BMERB1: variants seen among roughly 807,000 people sequenced by gnomAD.
BMERB1 encodes bMERB domain-containing protein 1.
Under a neutral mutation model 23.6 loss-of-function variants are expected in BMERB1, and 12 were observed. The observed-to-expected ratio is 0.51, with a 90% confidence interval of 0.33 to 0.82. The LOEUF is 0.82. Ranked by LOEUF, BMERB1 falls within the 40% of genes least tolerant of loss-of-function variation. BMERB1 has a pLI of 0.03. For synonymous variants in BMERB1, 122 were observed against 96.6 expected (o/e 1.26, Z -1.54); for missense variants, 247 against 255.4 (o/e 0.97, Z 0.22).
At chr16:15,514,278 G>GA (rs982259483) in intron 1 of BMERB1, among the ~76,000 whole-genome samples, 2 of 151,928 alleles carry the variant, frequency 1.3e-5, no homozygotes, top group South Asian at 2.1e-4. Flanking sequence ...CAAAACAAAT[G>GA]AAAAAATACT....
At chr16:15,549,334 G>T (rs2030012850) in intron 2 of BMERB1, among the ~76,000 whole-genome samples, 1 of 128,640 alleles carries the variant, frequency 7.8e-6, no homozygotes, top group Non-Finnish European at 1.6e-5. Context: ...AACAGAGCAA[G>T]CAAGATTCTA....
chr16:15,499,668 C>T (rs1342450426), intron 1 of BMERB1, among the ~76,000 whole-genome samples: 3 of 137,920 alleles, frequency 2.2e-5, no homozygotes, highest in Non-Finnish European at 3.2e-5. Flanking sequence ...TTTCCTTCCT[C>T]CCAGTTCCTT....
In BMERB1 at chr16:15,454,826, G is replaced by A. The variant is rs116701966; in HGVS notation, c.106+20067G>A. The stretch of plus-strand genomic sequence containing the variant: ...AAAAGATTGCTGTTCTATTTATGCT[G>A]TGAACATTGCTGAAAGATTGAGCAG... On this transcript the variant is annotated intron_variant, in intron 1 of 5. Coordinates refer to ENST00000300006, the MANE Select transcript of BMERB1 (RefSeq NM_033201.3). Among the ~76,000 whole-genome samples the A allele has an allele frequency of 6.0e-3, 903 of 151,488 alleles. 15 individuals carry two copies. Among genetic ancestry groups the A allele is most frequent in the African/African-American group, 0.021 (882 of 41,294 alleles).
At chr16:15,514,672 T>C (rs947979016) in intron 1 of BMERB1, among the ~76,000 whole-genome samples, 3 of 152,018 alleles carry the variant, frequency 2.0e-5, no homozygotes, top group East Asian at 1.9e-4. Context: ...CAGCTACTTA[T>C]AAGGCTGAGG....
intron 2 of BMERB1, among the ~76,000 whole-genome samples, chr16:15,545,098 G>A (rs969046193): frequency 9.2e-5 from 14 of 151,916 alleles, no homozygotes; most frequent in African/African-American, 3.1e-4. Flanking sequence ...TCAGCCTCCC[G>A]AGTAGCTGGG....
chr16:15,557,599 G>A (rs1263375705), intron 2 of BMERB1, among the ~76,000 whole-genome samples: 2 of 152,168 alleles, frequency 1.3e-5, no homozygotes, highest in African/African-American at 4.8e-5. Flanking sequence ...CACAGCGTCC[G>A]ACGACTAGTG....
In BMERB1 at chr16:15,437,541, A is replaced by G. The variant is rs137872829; in HGVS notation, c.106+2782A>G. Among the ~76,000 whole-genome samples the G allele has an allele frequency of 3.9e-4, 59 of 152,262 alleles. No individual in the cohort carries two copies. The East Asian group carries it at 0.011, about 27-fold the overall frequency. On this transcript the variant is annotated intron_variant, in intron 1 of 5. Coordinates refer to ENST00000300006, the MANE Select transcript of BMERB1 (RefSeq NM_033201.3). The stretch of plus-strand genomic sequence containing the variant: ...TTCAATAATGCCCTTGTAGCTTTTT[A>G]TATCTTAACATTTTATGAGAAAAAA...
chr16:15,493,613 C>T (rs1473653310), intron 1 of BMERB1, among the ~76,000 whole-genome samples: 3 of 152,052 alleles, frequency 2.0e-5, no homozygotes, highest in Admixed American at 6.6e-5. Context: ...TGATCTGACT[C>T]TCCCTCTGAC....
intron 1 of BMERB1, among the ~76,000 whole-genome samples, chr16:15,441,482 C>T (rs761601950): frequency 1.8e-4 from 27 of 152,104 alleles, no homozygotes; most frequent in African/African-American, 5.1e-4. Flanking sequence ...CTCCTGGGTC[C>T]GAGCGATTCT....
At chr16:15,441,481 C>T (rs891434028) in intron 1 of BMERB1, among the ~76,000 whole-genome samples, 1 of 152,002 alleles carries the variant, frequency 6.6e-6, no homozygotes, top group Non-Finnish European at 1.5e-5. Flanking sequence ...CCTCCTGGGT[C>T]CGAGCGATTC....
chr16:15,467,115 C>T (rs2051186726), intron 1 of BMERB1, among the ~76,000 whole-genome samples: 1 of 152,128 alleles, frequency 6.6e-6, no homozygotes, highest in South Asian at 2.1e-4. Context: ...TGGATTATTT[C>T]CAGTTACAGG....
At chr16:15,440,418 C>T (rs1405817948) in intron 1 of BMERB1, among the ~76,000 whole-genome samples, 1 of 151,952 alleles carries the variant, frequency 6.6e-6, no homozygotes, top group Non-Finnish European at 1.5e-5. Flanking sequence ...ACAAGCAGAT[C>T]GTAAAACTGG....
intron 1 of BMERB1, among the ~76,000 whole-genome samples, chr16:15,467,668 T>A (rs1015762395): frequency 3.9e-5 from 6 of 152,170 alleles, no homozygotes; most frequent in African/African-American, 1.4e-4. Context: ...TTCTTGTCAA[T>A]GAAGAGTCAA....
intron 1 of BMERB1, among the ~76,000 whole-genome samples, 184 bp downstream of exon 1, chr16:15,434,943 G>C (rs772509500): frequency 2.2e-4 from 33 of 152,248 alleles, no homozygotes; most frequent in Admixed American, 2.6e-4. Context: ...GAACAAAAGG[G>C]GGGGACCCTC....
At chr16:15,485,141 A>T (rs2051357153) in intron 1 of BMERB1, among the ~76,000 whole-genome samples, 1 of 152,154 alleles carries the variant, frequency 6.6e-6, no homozygotes, top group Admixed American at 6.5e-5. Context: ...AACTTGGATA[A>T]TTTGCCCATG....
chr16:15,471,925 CA>C (rs1345605089), intron 1 of BMERB1, among the ~76,000 whole-genome samples: 3 of 152,186 alleles, frequency 2.0e-5, no homozygotes, highest in Non-Finnish European at 2.9e-5. Flanking sequence ...ACACTGAGTA[CA>C]GTCTCTGTAT....
chr16:15,544,914 C>T (rs1446340956), intron 2 of BMERB1, among the ~76,000 whole-genome samples: 2 of 152,180 alleles, frequency 1.3e-5, no homozygotes, highest in African/African-American at 4.8e-5. Context: ...AGAGTAAATG[C>T]TCACTTCCTT....
chr16:15,514,426 A>C (rs2051718999), intron 1 of BMERB1, among the ~76,000 whole-genome samples: 1 of 152,174 alleles, frequency 6.6e-6, no homozygotes, highest in Admixed American at 6.5e-5. Flanking sequence ...AGAATCTGGG[A>C]CCAGGCAGGA....
intron 3 of BMERB1, among the ~76,000 whole-genome samples, chr16:15,571,929 C>T (rs1399594917): frequency 6.6e-6 from 1 of 152,092 alleles, no homozygotes; most frequent in Non-Finnish European, 1.5e-5. Flanking sequence ...CCTCTCTTTC[C>T]CCTTTAAATA....
Sources: allele counts gnomAD v4.1 joint callset (sites outside exome capture counted in the v4.1 genomes callset), GRCh38; gene constraint gnomAD v4.1.1; transcripts MANE v1.5; gene names NCBI Gene and HGNC (gene_info 2026-07-23, HGNC 2026-07-21).